Variants in PDE9A observed in about 807,000 individuals in gnomAD.
PDE9A encodes the protein high affinity cGMP-specific 3',5'-cyclic phosphodiesterase 9A.
Under a neutral mutation model 87.4 loss-of-function variants are expected in PDE9A, and 60 were observed. That is an observed-to-expected ratio of 0.69 (90% CI 0.56 to 0.85). The LOEUF is 0.85. Ranked by LOEUF, PDE9A falls within the 40% of genes least tolerant of loss-of-function variation. The pLI is 0.00. For missense variants in PDE9A, 665 were observed against 779.0 expected (o/e 0.85, Z 1.74); for synonymous variants, 272 against 279.4 (o/e 0.97, Z 0.27).
At chr21:42,725,839 C>T (rs971209258) in intron 4 of PDE9A, among the ~76,000 whole-genome samples, 3 of 152,232 alleles carry the variant, frequency 2.0e-5, no homozygotes, top group Admixed American at 1.3e-4. Context: ...CAGTTCTCCG[C>T]GTACATCATC....
In PDE9A at chr21:42,775,334, C is replaced by A; in HGVS notation, c.*41C>A. 6.2e-7 allele frequency: 1 copy of A among 1,600,596 alleles called. No homozygotes were observed. Among genetic ancestry groups the A allele is most frequent in the Non-Finnish European group, 8.5e-7 (1 of 1,172,342 alleles). On this transcript the variant is annotated 3_prime_UTR_variant, in exon 20 of 20. Transcript: ENST00000291539. ...TGGCTGCAGTTCTGGACGGGCTGGC[C>A]GAGCTGCGCGGGATCCTTGTGCAGG... is the stretch of plus-strand genomic sequence containing the variant.
intron 10 of PDE9A, among the ~76,000 whole-genome samples, chr21:42,756,349 C>A (rs558325391): frequency 8.4e-4 from 128 of 152,240 alleles, no homozygotes; most frequent in African/African-American, 3.0e-3. Flanking sequence ...GCCCACTCGG[C>A]CCCACAAAAC....
intron 1 of PDE9A, among the ~76,000 whole-genome samples, chr21:42,674,452 A>G (rs1390489355): frequency 6.6e-6 from 1 of 150,608 alleles, no homozygotes; most frequent in East Asian, 1.9e-4. Context: ...TCTTGTCAGA[A>G]CTCCGTGTGA....
At chr21:42,670,068 CACTCACAT>C (rs1055128389) in intron 1 of PDE9A, among the ~76,000 whole-genome samples, 10 of 152,078 alleles carry the variant, frequency 6.6e-5, no homozygotes, top group African/African-American at 2.2e-4. Context: ...CACATTCACA[CACTCACAT>C]ACTTACACAC....
chr21:42,674,316 C>CTTTTTTTTTTTTTTTTTTTTTTT (rs34238765), intron 1 of PDE9A, among the ~76,000 whole-genome samples: 1 of 134,608 alleles, frequency 7.4e-6, no homozygotes. Flanking sequence ...TTTAGACATT[C>CTTTTTTTTTTTTTTTTTTTTTTT]TTTTTTTTTT....
intron 19 of PDE9A, among the ~76,000 whole-genome samples, chr21:42,773,555 C>G (rs1415321622): frequency 6.6e-6 from 1 of 152,208 alleles, no homozygotes; most frequent in African/African-American, 2.4e-5. Flanking sequence ...CGCCTGTAAT[C>G]CAAGCACTTT....
At chr21:42,727,692 T>C (rs982218559) in intron 4 of PDE9A, among the ~76,000 whole-genome samples, 30 of 152,072 alleles carry the variant, frequency 2.0e-4, no homozygotes, top group Non-Finnish European at 3.7e-4. Flanking sequence ...ACAATTGTAG[T>C]AAATACAATT....
intron 4 of PDE9A, among the ~76,000 whole-genome samples, chr21:42,712,084 C>G (rs1356365785): frequency 6.7e-6 from 1 of 149,106 alleles, no homozygotes; most frequent in Non-Finnish European, 1.5e-5. Context: ...AAAAAGCCAT[C>G]TATGACTTTG....
chr21:42,686,353 G>C, intron 2 of PDE9A, 91 bp downstream of exon 2: 1 of 1,000,502 alleles, frequency 1.0e-6, no homozygotes, highest in Non-Finnish European at 1.6e-6. Context: ...AGGCGCTGAA[G>C]GGCCCGAGGC....
Position 42,759,743 on chromosome 21 carries a change from T to C in PDE9A, c.898-585T>C, listed in dbSNP as rs2055484886. ...GTGAGGGTGTGTGTGCATGTGTGTA[T>C]CTGTGGATGTGAGGTGTGTGTGCAT... On this transcript the variant is annotated intron_variant, in intron 11 of 19. Transcript: ENST00000291539. The surrounding 1 kb of genome is among the most constrained non-coding windows in gnomAD (Gnocchi z 7.2). Among the ~76,000 whole-genome samples the C allele has an allele frequency of 6.8e-6, 1 of 147,386 alleles. No individual in the cohort carries two copies. The highest frequency in any genetic ancestry group is 6.8e-5 in the Admixed American group (1 of 14,724).
intron 8 of PDE9A, among the ~76,000 whole-genome samples, chr21:42,748,821 C>A (rs2054143181): frequency 6.6e-6 from 1 of 152,210 alleles, no homozygotes; most frequent in Non-Finnish European, 1.5e-5. Flanking sequence ...CACAATCAAG[C>A]ACTCTTTTTA....
At position 42,732,125 on chromosome 21, in the gene PDE9A, G is replaced by T. The variant is rs1336492782; in HGVS notation, c.497+1G>T. On this transcript the variant is annotated splice_donor_variant, in intron 6 of 19. Coordinates refer to ENST00000291539, the MANE Select transcript of PDE9A (RefSeq NM_002606.3). LOFTEE classifies it high-confidence loss of function. Reference sequence around the variant, plus strand: ...CGCAGGTTGCAGAGCAGTTCTCAAGGTACAGAGTCTTCTAAACTTACAACC... The same window carrying T: ...CGCAGGTTGCAGAGCAGTTCTCAAGTTACAGAGTCTTCTAAACTTACAACC... 1 of 1,613,582 alleles carries T rather than the reference G, an allele frequency of 6.2e-7. No homozygotes were observed. The highest frequency in any genetic ancestry group is 8.5e-7 in the Non-Finnish European group (1 of 1,179,504).
At position 42,689,139 on chromosome 21, in the gene PDE9A, C is replaced by T. The variant is rs565078996; in HGVS notation, c.218+1145C>T. ...GCGAGGTCCCAGTGGACATGGCCAG[C>T]GCCGCCCCCCTCAGTGAGGCTTCAG... is the stretch of plus-strand genomic sequence containing the variant. On this transcript the variant is annotated intron_variant, in intron 3 of 19. Coordinates refer to ENST00000291539, the MANE Select transcript of PDE9A (RefSeq NM_002606.3). Among the ~76,000 whole-genome samples, 15 of 150,220 alleles carry T rather than the reference C, an allele frequency of 1.0e-4. No individual in the cohort carries two copies. In the East Asian group the frequency reaches 2.4e-3, roughly 24 times the overall value.
At chr21:42,712,183 A>C (rs1359678488) in intron 4 of PDE9A, among the ~76,000 whole-genome samples, 1 of 152,176 alleles carries the variant, frequency 6.6e-6, no homozygotes, top group Non-Finnish European at 1.5e-5. Flanking sequence ...ACATCCCTCC[A>C]CTTATTTAGG....
At chr21:42,666,492 C>T (rs939253317) in intron 1 of PDE9A, among the ~76,000 whole-genome samples, 1 of 152,174 alleles carries the variant, frequency 6.6e-6, no homozygotes, top group East Asian at 1.9e-4. Context: ...TTTGTGAGGG[C>T]TGCACTCCCC....
intron 18 of PDE9A, 139 bp from the exon 19 acceptor site, chr21:42,772,300 T>C: frequency 1.6e-6 from 1 of 614,706 alleles, no homozygotes; most frequent in South Asian, 1.8e-5. Context: ...ATGTCAGGAG[T>C]GCTTGGGCTC....
At chr21:42,668,917 G>GCC (rs2058219300) in intron 1 of PDE9A, among the ~76,000 whole-genome samples, 1 of 135,384 alleles carries the variant, frequency 7.4e-6, no homozygotes, top group African/African-American at 3.1e-5. Context: ...CACGTCCCAC[G>GCC]CGGGCCACAT....
In PDE9A at chr21:42,655,160, GCACACACGTGCATA is replaced by G. The variant is rs529737977; in HGVS notation, c.69+1290_69+1303del. Among the ~76,000 whole-genome samples the G allele has an allele frequency of 6.6e-3, 985 of 149,706 alleles. 8 individuals carry two copies. The highest frequency in any genetic ancestry group is 0.011 in the Non-Finnish European group (739 of 67,916). Reference sequence around the variant, plus strand: ...CACATCCACTCACAAACACACACACGCACACACGTGCATACACACACGTGCACATGAGCACACAG... The same window carrying G: ...CACATCCACTCACAAACACACACACGCACACACGTGCACATGAGCACACAG... On this transcript the variant is annotated intron_variant, in intron 1 of 19. Coordinates refer to ENST00000291539, the MANE Select transcript of PDE9A (RefSeq NM_002606.3).
chr21:42,654,529 A>G (rs753900822), intron 1 of PDE9A, among the ~76,000 whole-genome samples: 41 of 151,970 alleles, frequency 2.7e-4, no homozygotes, highest in Non-Finnish European at 5.4e-4. Flanking sequence ...GGGAGGGACA[A>G]TGAGCGCGCC....
Sources: gnomAD v4.1 joint callset for allele counts (sites outside exome capture counted in the v4.1 genomes callset) on GRCh38, gnomAD v4.1.1 for gene constraint, Gnocchi (gnomAD v3.1) non-coding constraint, MANE v1.5 for transcripts, NCBI Gene and HGNC (gene_info 2026-07-23, HGNC 2026-07-21) for gene names.